Variants in SENP1 observed in about 807,000 individuals in gnomAD.
The protein encoded by SENP1 is sentrin-specific protease 1.
A neutral mutation model predicts 93.0 loss-of-function variants in SENP1; 21 were observed. That is an observed-to-expected ratio of 0.23 (90% confidence interval 0.16 to 0.33). The LOEUF is 0.33. SENP1 is among the 10% of genes least tolerant of loss of function. The pLI is 1.00. For missense variants in SENP1, 591 were observed against 758.7 expected (o/e 0.78, Z 2.60); for synonymous variants, 256 against 259.6 (o/e 0.99, Z 0.13).
intron 5 of SENP1, 55 bp downstream of exon 5, chr12:48,088,746 C>T: frequency 2.0e-6 from 3 of 1,513,038 alleles, no homozygotes; most frequent in South Asian, 1.2e-5. Flanking sequence ...ACCTTTTAGT[C>T]ACTTTCTCTT....
intron 3 of SENP1, 123 bp from the exon 4 acceptor site, chr12:48,096,550 A>T: frequency 6.7e-6 from 4 of 593,176 alleles, no homozygotes; most frequent in Admixed American, 2.8e-5. Context: ...CCGCCTCCTG[A>T]GTTCAAGTGA....
intron 4 of SENP1, among the ~76,000 whole-genome samples, chr12:48,094,530 A>G (rs1945427026): frequency 6.6e-6 from 1 of 152,046 alleles, no homozygotes; most frequent in Non-Finnish European, 1.5e-5. Flanking sequence ...AAGTACAAAA[A>G]TTAGCCGGGC....
intron 1 of SENP1, among the ~76,000 whole-genome samples, chr12:48,104,249 A>C (rs1946224645): frequency 1.7e-4 from 1 of 5,968 alleles, no homozygotes; most frequent in Non-Finnish European, 3.6e-4. Context: ...AGAGAGAGAG[A>C]GAGAGACGGG....
At chr12:48,058,176 C>A (rs4293182) in intron 13 of SENP1, among the ~76,000 whole-genome samples, 34,235 of 151,646 alleles carry the variant, frequency 0.23, 4,527 homozygotes, top group East Asian at 0.55. Flanking sequence ...AAACTCCTGA[C>A]CCCAAGTGAT....
intron 4 of SENP1, among the ~76,000 whole-genome samples, chr12:48,091,568 A>G (rs1945227590): frequency 6.6e-6 from 1 of 152,238 alleles, no homozygotes; most frequent in Non-Finnish European, 1.5e-5. Context: ...TTACCTACCA[A>G]GTATCATTCT....
chr12:48,068,882 G>A (rs1272081779), intron 9 of SENP1, among the ~76,000 whole-genome samples: 1 of 152,122 alleles, frequency 6.6e-6, no homozygotes, highest in Non-Finnish European at 1.5e-5. Flanking sequence ...GCCAGGCACA[G>A]TGGCTCATGC....
intron 1 of SENP1, among the ~76,000 whole-genome samples, chr12:48,104,790 T>C (rs991247479): frequency 6.6e-6 from 1 of 152,230 alleles, no homozygotes; most frequent in Admixed American, 6.5e-5. Context: ...AACCTGTTTT[T>C]GTACCCATCC....
intron 4 of SENP1, among the ~76,000 whole-genome samples, chr12:48,095,364 C>T (rs1367335647): frequency 6.6e-6 from 1 of 151,706 alleles, no homozygotes; most frequent in Non-Finnish European, 1.5e-5. Flanking sequence ...GGTGAAACCC[C>T]GTCTCTACTA....
rs572835539 is a variant in SENP1 at position 48,098,233 on chromosome 12, C to T, written c.5-109G>A. ...AACAATTCCCACCCAGGCATGGTGTCTCATGCCTGTAATCCCAGCACTCTG... is the reference window on the plus strand; with the variant it reads ...AACAATTCCCACCCAGGCATGGTGTTTCATGCCTGTAATCCCAGCACTCTG... On this transcript the variant is annotated intron_variant, in intron 2 of 17. Coordinates refer to ENST00000549518, the MANE Select transcript of SENP1 (RefSeq NM_001267594.2). The T allele has an allele frequency of 2.9e-3, 3,182 of 1,106,100 alleles. 14 individuals carry two copies. Among genetic ancestry groups the T allele is most frequent in the Non-Finnish European group, 3.6e-3 (2,855 of 789,994 alleles). 68.5% of individuals were successfully genotyped at this position (1,106,100 alleles called of 1,614,324 possible).
At position 48,063,706 on chromosome 12, in the gene SENP1, T is replaced by G. The variant is rs982673900; in HGVS notation, c.1407+4A>C. The G allele has an allele frequency of 6.2e-7, 1 of 1,610,354 alleles. No homozygotes were observed. Among genetic ancestry groups the G allele is most frequent in the South Asian group, 1.1e-5 (1 of 90,348 alleles). Reference sequence around the variant, plus strand: ...TTTGTATGTAAAAATAGATGCAACATTACCTCATCATTGAGCCAATTCAGA... The same window carrying G: ...TTTGTATGTAAAAATAGATGCAACAGTACCTCATCATTGAGCCAATTCAGA... On this transcript the variant is annotated splice_donor_region_variant and intron_variant, in intron 13 of 17. Coordinates refer to ENST00000549518, the MANE Select transcript of SENP1 (RefSeq NM_001267594.2).
intron 17 of SENP1, among the ~76,000 whole-genome samples, chr12:48,046,051 A>G (rs762214654): frequency 6.6e-6 from 1 of 152,146 alleles, no homozygotes; most frequent in Non-Finnish European, 1.5e-5. Flanking sequence ...AACTAAAGAA[A>G]CCTGCTCTGG....
intron 5 of SENP1, 29 bp from the exon 6 acceptor site, chr12:48,083,791 G>C (rs746721221): frequency 3.3e-6 from 5 of 1,516,492 alleles, no homozygotes; most frequent in East Asian, 2.3e-5. Flanking sequence ...AGAAAGATAA[G>C]AACAGATAAT....
At chr12:48,047,442 ATTTACTACTG>A (rs1195831693) in intron 15 of SENP1, among the ~76,000 whole-genome samples, 2 of 152,166 alleles carry the variant, frequency 1.3e-5, no homozygotes, top group East Asian at 3.8e-4. Context: ...TGAGGTATTT[ATTTACTACTG>A]TTAGGCTTGG....
chr12:48,088,082 C>T (rs1307733453), intron 5 of SENP1, among the ~76,000 whole-genome samples: 2 of 149,840 alleles, frequency 1.3e-5, no homozygotes, highest in Non-Finnish European at 3.0e-5. Context: ...GAGACGAGGT[C>T]ACTCTGTCAC....
intron 4 of SENP1, among the ~76,000 whole-genome samples, chr12:48,093,530 C>T (rs1285910470): frequency 5.3e-5 from 8 of 151,822 alleles, no homozygotes; most frequent in African/African-American, 1.7e-4. Context: ...GTGATCCACC[C>T]GCCTTGGCCT....
intron 9 of SENP1, among the ~76,000 whole-genome samples, chr12:48,070,951 C>T (rs1362009931): frequency 6.6e-6 from 1 of 152,020 alleles, no homozygotes; most frequent in Non-Finnish European, 1.5e-5. Flanking sequence ...TAAAAGTTAG[C>T]CAAGTATGGT....
intron 5 of SENP1, 53 bp from the exon 6 acceptor site, chr12:48,083,815 C>A: frequency 2.3e-6 from 3 of 1,279,266 alleles, no homozygotes; most frequent in South Asian, 1.4e-5. Context: ...TAAAATAAAT[C>A]CAACCTAGAG....
At chr12:48,084,978 C>T in intron 5 of SENP1, 5 of 664,624 alleles carry the variant, frequency 7.5e-6, no homozygotes, top group Non-Finnish European at 1.3e-5. Flanking sequence ...CTCTTTAAGT[C>T]TTCTTGGGTT....
rs1391881287 is a variant in SENP1 at position 48,074,858 on chromosome 12, A to G, written c.553-65T>C. ...CAATAAGGCAAGTATTTCTCAAACT[A>G]GCATGTAAACAGAATCCTAGCTCTG... is the stretch of plus-strand genomic sequence containing the variant. On this transcript the variant is annotated intron_variant, in intron 6 of 17. Transcript: ENST00000549518. 118 of 1,078,238 alleles carry G rather than the reference A, an allele frequency of 1.1e-4. 2 individuals are homozygous for G. The Admixed American group carries it at 2.7e-3, about 25-fold the overall frequency. 66.8% of individuals were successfully genotyped at this position (1,078,238 alleles called of 1,614,324 possible).
Sources: gnomAD v4.1 joint callset for allele counts (sites outside exome capture counted in the v4.1 genomes callset) on GRCh38, gnomAD v4.1.1 for gene constraint, MANE v1.5 for transcripts, NCBI Gene and HGNC (gene_info 2026-07-23, HGNC 2026-07-21) for gene names.